Variants in TMPRSS15 observed in about 807,000 individuals in gnomAD.
TMPRSS15 encodes the protein transmembrane serine protease 15.
A neutral mutation model predicts 125.3 loss-of-function variants in TMPRSS15; 128 were observed. The observed-to-expected ratio is 1.02, with a 90% CI of 0.89 to 1.18. TMPRSS15 has a LOEUF of 1.18. Among genes scored for constraint, TMPRSS15 ranks in the 50% most tolerant of loss-of-function variants. TMPRSS15 has a pLI of 0.00. For missense variants in TMPRSS15, 1,283 were observed against 1,212.7 expected (o/e 1.06, Z -0.86); for synonymous variants, 446 against 423.2 (o/e 1.05, Z -0.66).
At chr21:18,406,687 C>A (rs1173273136), upstream of TMPRSS15, among the ~76,000 whole-genome samples, 2 of 152,114 alleles carry the variant, frequency 1.3e-5, no homozygotes, top group Non-Finnish European at 2.9e-5. Context: ...TCATTCATCG[C>A]TTGTCTGAGT....
Position 18,338,956 on chromosome 21 carries a change from C to T in TMPRSS15, c.1564+2457G>A, listed in dbSNP as rs755464462. On this transcript the variant is annotated intron_variant, in intron 13 of 24. Transcript: ENST00000284885. The stretch of plus-strand genomic sequence containing the variant: ...TGCATCCATTTTATGAGTATCATTC[C>T]GTCTTTTATCTGCACGCTTCCTTAA... 3.3e-5 allele frequency among the ~76,000 whole-genome samples: 5 copies of T among 151,934 alleles called. No homozygotes were observed. In the East Asian group the frequency reaches 5.8e-4, roughly 18 times the overall value.
At chr21:18,420,222 G>A (rs530350992) in intron 1 of TMPRSS15, among the ~76,000 whole-genome samples, 1 of 152,168 alleles carries the variant, frequency 6.6e-6, no homozygotes, top group South Asian at 2.1e-4. Context: ...GCAATGAATG[G>A]TTTGGATGAG....
At chr21:18,400,782 G>A (rs1026705548) in intron 1 of TMPRSS15, among the ~76,000 whole-genome samples, 1 of 152,108 alleles carries the variant, frequency 6.6e-6, no homozygotes, top group Non-Finnish European at 1.5e-5. Context: ...TATCAAGAAA[G>A]TCAACATACA....
intron 1 of TMPRSS15, among the ~76,000 whole-genome samples, chr21:18,427,096 A>C (rs1255004490): frequency 6.6e-6 from 1 of 152,236 alleles, no homozygotes; most frequent in Non-Finnish European, 1.5e-5. Context: ...CTGTTCTTAC[A>C]AAGGAAATGA....
intron 18 of TMPRSS15, among the ~76,000 whole-genome samples, chr21:18,305,220 C>G (rs866062203): frequency 1.7e-3 from 212 of 122,296 alleles, no homozygotes; most frequent in African/African-American, 5.7e-3. Flanking sequence ...ACGGAGTCTC[C>G]CTCTGTCGCC....
intron 18 of TMPRSS15, among the ~76,000 whole-genome samples, chr21:18,304,368 A>T (rs375363632): frequency 4.1e-4 from 62 of 152,218 alleles, no homozygotes; most frequent in African/African-American, 1.3e-3. Flanking sequence ...TACTGAAATG[A>T]GTATATGAAG....
intron 5 of TMPRSS15, among the ~76,000 whole-genome samples, chr21:18,377,413 T>A (rs2123031477): frequency 6.6e-6 from 1 of 151,998 alleles, no homozygotes; most frequent in Admixed American, 6.6e-5. Flanking sequence ...GGGGAAGGAG[T>A]AGGGATCTAA....
chr21:18,422,613 G>C (rs9631199), intron 1 of TMPRSS15, among the ~76,000 whole-genome samples: 14,306 of 152,134 alleles, frequency 0.094, 1,488 homozygotes, highest in African/African-American at 0.26. Context: ...TAGCGTGGCA[G>C]GTGCTACAAT....
In TMPRSS15 at chr21:18,397,723, A is replaced by G. The variant is rs577952594; in HGVS notation, c.344+156T>C. 6.6e-5 allele frequency among the ~76,000 whole-genome samples: 10 copies of G among 152,322 alleles called. No homozygotes were observed. The East Asian group carries it at 1.9e-3, about 29-fold the overall frequency. On this transcript the variant is annotated intron_variant, in intron 3 of 24. Coordinates refer to ENST00000284885, the MANE Select transcript of TMPRSS15 (RefSeq NM_002772.3). ...AAAAGTTATTATTATTCGCTACTAA[A>G]ATGAAAGTTTATGCTGTGCCACTTT...
Position 18,294,407 on chromosome 21 carries a change from T to G in TMPRSS15, c.2349A>C (p.Pro783=). 1 of 1,614,226 alleles carries G rather than the reference T, an allele frequency of 6.2e-7. No individual in the cohort carries two copies. Among genetic ancestry groups the G allele is most frequent in the Non-Finnish European group, 8.5e-7 (1 of 1,180,020 alleles). The change falls in exon 21 of 25, where the codon CCA becomes CCC. Residue 783 remains proline (P), a synonymous_variant. Transcript: ENST00000284885. ...TGGCATTACTTCCTCCAACAATCTT[T>G]GGGGTGATGTCTTGAGCTGCCAGTT... is the stretch of plus-strand genomic sequence containing the variant. ...GKKLAAQDIT[P]KIVGGSNAKE...
intron 13 of TMPRSS15, among the ~76,000 whole-genome samples, chr21:18,335,657 G>A (rs2075384422): frequency 6.6e-6 from 1 of 152,140 alleles, no homozygotes; most frequent in Admixed American, 6.5e-5. Flanking sequence ...CTGATCCCTG[G>A]CCTGATAAAA....
intron 24 of TMPRSS15, 43 bp downstream of exon 24, chr21:18,275,154 A>C: frequency 6.2e-7 from 1 of 1,607,520 alleles, no homozygotes. Context: ...CTATAACACC[A>C]GTGCTTTCTG....
chr21:18,294,197 C>A, intron 21 of TMPRSS15, 73 bp downstream of exon 21: 1 of 1,571,252 alleles, frequency 6.4e-7, no homozygotes, highest in Non-Finnish European at 8.7e-7. Context: ...TGTGATGCTG[C>A]ATGAAATGGG....
chr21:18,470,412 C>G (rs1454347062), intron 1 of TMPRSS15, among the ~76,000 whole-genome samples: 1 of 151,924 alleles, frequency 6.6e-6, no homozygotes, highest in Non-Finnish European at 1.5e-5. Context: ...AATTTCTATA[C>G]AATTATACTG....
chr21:18,388,612 A>G (rs1448614769), intron 3 of TMPRSS15, among the ~76,000 whole-genome samples: 1 of 152,198 alleles, frequency 6.6e-6, no homozygotes, highest in Non-Finnish European at 1.5e-5. Flanking sequence ...GCAGGCACCT[A>G]GAATACCTCT....
chr21:18,326,662 G>C, intron 15 of TMPRSS15, 90 bp from the exon 16 acceptor site: 1 of 1,476,982 alleles, frequency 6.8e-7, no homozygotes, highest in Non-Finnish European at 9.4e-7. Context: ...TCTGCCAGAC[G>C]TAGGGCTACA....
chr21:18,329,035 C>T, intron 15 of TMPRSS15, 134 bp downstream of exon 15: 2 of 982,620 alleles, frequency 2.0e-6, no homozygotes, highest in South Asian at 2.9e-5. Flanking sequence ...TCCACATAAA[C>T]TCATGTCACT....
At chr21:18,478,137 G>C (rs893958475) in intron 1 of TMPRSS15, among the ~76,000 whole-genome samples, 4 of 151,980 alleles carry the variant, frequency 2.6e-5, no homozygotes, top group African/African-American at 9.7e-5. Context: ...TTTTTCCAGA[G>C]TAAAGTCAAT....
intron 18 of TMPRSS15, among the ~76,000 whole-genome samples, chr21:18,298,283 G>C (rs1237982470): frequency 6.6e-6 from 1 of 152,090 alleles, no homozygotes; most frequent in East Asian, 1.9e-4. Context: ...TTTTAAAAGT[G>C]CATGTAGATA....
Sources: allele counts gnomAD v4.1 joint callset (sites outside exome capture counted in the v4.1 genomes callset), GRCh38; gene constraint gnomAD v4.1.1; transcripts MANE v1.5; gene names NCBI Gene and HGNC (gene_info 2026-07-23, HGNC 2026-07-21).